MACROD2: variants seen among roughly 807,000 people sequenced by gnomAD.
MACROD2 encodes the protein mono-ADP ribosylhydrolase 2, also known as ADP-ribose glycohydrolase MACROD2.
In MACROD2, 36 loss-of-function variants were observed where a neutral mutation model predicts 70.4. The ratio of observed to expected loss-of-function variants is 0.51; its 90% CI spans 0.39 to 0.68. The LOEUF is 0.68. Ranked by LOEUF, MACROD2 falls within the 30% of genes least tolerant of loss-of-function variation. MACROD2 has a pLI of 0.00. For synonymous variants in MACROD2, 172 were observed against 178.8 expected (o/e 0.96, Z 0.30); for missense variants, 496 against 538.4 (o/e 0.92, Z 0.78).
At chr20:14,971,260 T>G (rs1158448422) in intron 5 of MACROD2, among the ~76,000 whole-genome samples, 1 of 152,164 alleles carries the variant, frequency 6.6e-6, no homozygotes, top group Non-Finnish European at 1.5e-5. Context: ...CTGAATATTT[T>G]TGATGGGTAA....
intron 5 of MACROD2, among the ~76,000 whole-genome samples, chr20:14,977,356 T>C (rs965209277): frequency 6.6e-6 from 1 of 151,458 alleles, no homozygotes; most frequent in Non-Finnish European, 1.5e-5. Flanking sequence ...CTTCTTTTTA[T>C]GCTGTTTTCT....
At chr20:15,458,786 A>T (rs1003757639) in intron 7 of MACROD2, among the ~76,000 whole-genome samples, 1 of 152,008 alleles carries the variant, frequency 6.6e-6, no homozygotes, top group African/African-American at 2.4e-5. Context: ...GCTCTTCTGG[A>T]CCTGGCAGAT....
intron 8 of MACROD2, among the ~76,000 whole-genome samples, chr20:15,589,683 C>T (rs2048652023): frequency 6.6e-6 from 1 of 152,224 alleles, no homozygotes; most frequent in Non-Finnish European, 1.5e-5. Flanking sequence ...CTACTCATCC[C>T]TTCCTTCCAG....
At chr20:15,253,970 A>T (rs2077177119) in intron 6 of MACROD2, among the ~76,000 whole-genome samples, 1 of 152,154 alleles carries the variant, frequency 6.6e-6, no homozygotes, top group South Asian at 2.1e-4. Context: ...TATAGGTCTC[A>T]TGCTGTCCCC....
intron 3 of MACROD2, among the ~76,000 whole-genome samples, chr20:14,219,627 G>T (rs1343370316): frequency 6.6e-6 from 1 of 152,200 alleles, no homozygotes; most frequent in African/African-American, 2.4e-5. Flanking sequence ...ACCAGGGTTG[G>T]TTTTCTGGTG....
intron 7 of MACROD2, among the ~76,000 whole-genome samples, chr20:15,491,736 G>A (rs2145010): frequency 0.44 from 67,271 of 152,078 alleles, 15,168 homozygotes; most frequent in Non-Finnish European, 0.49. Context: ...TGCCCTACAT[G>A]TGGCAAAGTG....
At chr20:15,571,870 T>C (rs962374777) in intron 8 of MACROD2, among the ~76,000 whole-genome samples, 25 of 152,292 alleles carry the variant, frequency 1.6e-4, no homozygotes, top group Admixed American at 5.2e-4. Context: ...TTAAGTTTTC[T>C]GGCAAGTTCT....
chr20:15,761,300 C>A (rs1179680178), intron 8 of MACROD2, among the ~76,000 whole-genome samples: 1 of 152,220 alleles, frequency 6.6e-6, no homozygotes, highest in South Asian at 2.1e-4. Flanking sequence ...CCTGCCTTGG[C>A]CTCCCAAAGT....
At chr20:15,123,607 C>CTTATT (rs11471842) in intron 5 of MACROD2, among the ~76,000 whole-genome samples, 132,592 of 151,836 alleles carry the variant, frequency 0.87, 58,037 homozygotes, top group East Asian at 1. Context: ...ATTCATTGCA[C>CTTATT]TTATTTTTTA....
chr20:15,794,766 G>A (rs559783344), intron 8 of MACROD2, among the ~76,000 whole-genome samples: 7 of 152,190 alleles, frequency 4.6e-5, no homozygotes, highest in South Asian at 2.1e-4. Context: ...TTAAGCAGGC[G>A]GTTTGCATCA....
At chr20:15,775,207 T>A (rs2051701613) in intron 8 of MACROD2, among the ~76,000 whole-genome samples, 1 of 152,102 alleles carries the variant, frequency 6.6e-6, no homozygotes, top group Non-Finnish European at 1.5e-5. Flanking sequence ...CCAGCGGAGC[T>A]TTATGCCCCT....
At position 15,870,005 on chromosome 20, in the gene MACROD2, GATA is replaced by G. The variant is rs773123991; in HGVS notation, c.727+7185_727+7187del. Among the ~76,000 whole-genome samples, 62 of 152,038 alleles carry G rather than the reference GATA, an allele frequency of 4.1e-4. 1 individual carries two copies. The highest frequency in any genetic ancestry group is 3.4e-3 in the Middle Eastern group (1 of 294). On this transcript the variant is annotated intron_variant, in intron 9 of 17. Transcript: ENST00000684519. ...AAAGAAAATTCTAAATTCATATTTT[GATA>G]ATAATTTTTAATATCTTAAATGCAT...
rs71335969 is a variant in MACROD2, at chr20:14,486,513, C to CTTTTTTT, written c.272-6961_272-6960insTTTTTTT. On this transcript the variant is annotated intron_variant, in intron 3 of 17. Transcript: ENST00000684519. ...GAGCTATCTGGCATAAAATAGCCAA[C>CTTTTTTT]TTTTTATTTTATTTTTTTTTTTTGA... 7.2e-4 allele frequency among the ~76,000 whole-genome samples: 70 copies of CTTTTTTT among 97,064 alleles called. 8 individuals carry two copies. Among genetic ancestry groups the CTTTTTTT allele is most frequent in the South Asian group, 1.2e-3 (3 of 2,474 alleles). 63.7% of individuals were successfully genotyped at this position (97,064 alleles called of 152,430 possible).
chr20:14,196,379 A>G (rs2081432661), intron 3 of MACROD2, among the ~76,000 whole-genome samples: 1 of 152,210 alleles, frequency 6.6e-6, no homozygotes, highest in Non-Finnish European at 1.5e-5. Flanking sequence ...TTAGACTGTC[A>G]GCCATTTGAG....
intron 2 of MACROD2, among the ~76,000 whole-genome samples, chr20:14,023,067 T>G (rs1025474230): frequency 1.6e-4 from 24 of 152,226 alleles, no homozygotes. Context: ...CCAGCATCTG[T>G]TGTTTCCTGA....
At chr20:14,736,975 T>G (rs2071673438) in intron 5 of MACROD2, among the ~76,000 whole-genome samples, 1 of 152,122 alleles carries the variant, frequency 6.6e-6, no homozygotes, top group Admixed American at 6.5e-5. Flanking sequence ...TAAAATATAC[T>G]TTAAGTTCTG....
chr20:14,005,337 G>T (rs982747681), intron 2 of MACROD2, among the ~76,000 whole-genome samples: 3 of 152,114 alleles, frequency 2.0e-5, no homozygotes, highest in Admixed American at 6.5e-5. Flanking sequence ...TAATTTGCTT[G>T]CTGTTTATGT....
At chr20:14,462,104 G>A (rs571201212) in intron 3 of MACROD2, among the ~76,000 whole-genome samples, 9 of 152,074 alleles carry the variant, frequency 5.9e-5, no homozygotes, top group Non-Finnish European at 1.0e-4. Flanking sequence ...CTGAGGAGTC[G>A]CCACACCGAC....
At chr20:14,384,046 A>G (rs2083447870) in intron 3 of MACROD2, among the ~76,000 whole-genome samples, 1 of 152,112 alleles carries the variant, frequency 6.6e-6, no homozygotes, top group Non-Finnish European at 1.5e-5. Context: ...TGCTTTATTT[A>G]CTAGTTTTCA....
Sources: allele counts gnomAD v4.1 joint callset (sites outside exome capture counted in the v4.1 genomes callset), GRCh38; gene constraint gnomAD v4.1.1; transcripts MANE v1.5; gene names NCBI Gene and HGNC (gene_info 2026-07-23, HGNC 2026-07-21).